COL11A1: variants seen among roughly 807,000 people sequenced by gnomAD.
COL11A1 encodes the protein collagen alpha-1(XI) chain.
COL11A1 carries 74 observed loss-of-function variants against 265.2 expected under a neutral mutation model. The ratio of observed to expected loss-of-function variants is 0.28; its 90% CI spans 0.23 to 0.34. The LOEUF is 0.34. Among genes scored for constraint, COL11A1 ranks in the 10% least tolerant of loss-of-function variants. The pLI is 1.00. For synonymous variants in COL11A1, 816 were observed against 727.6 expected (o/e 1.12, Z -1.96); for missense variants, 2,165 against 2,263.6 (o/e 0.96, Z 0.88).
chr1:103,002,918 T>C, intron 21 of COL11A1, 127 bp from the exon 22 acceptor site: 1 of 948,924 alleles, frequency 1.1e-6, no homozygotes, highest in East Asian at 2.5e-5. Flanking sequence ...TAGGATTTAA[T>C]GGAAACGAAG....
At chr1:102,914,322 A>C (rs760297106) in intron 52 of COL11A1, 30 bp downstream of exon 52, 3 of 1,559,018 alleles carry the variant, frequency 1.9e-6, no homozygotes, top group Non-Finnish European at 2.6e-6. Flanking sequence ...TCACTCCAAA[A>C]TAATTTCTTG....
At chr1:103,002,548 A>T in intron 22 of COL11A1, 67 bp from the exon 23 acceptor site, 1 of 1,372,702 alleles carries the variant, frequency 7.3e-7, no homozygotes, top group Non-Finnish European at 1.0e-6. Context: ...GTTCTTCTCA[A>T]TTGGAAAATA....
chr1:103,057,995 T>C (rs1162394392), intron 4 of COL11A1, among the ~76,000 whole-genome samples: 1 of 152,186 alleles, frequency 6.6e-6, no homozygotes, highest in Non-Finnish European at 1.5e-5. Context: ...AAGCCAGGCA[T>C]TGATTTCTGT....
intron 1 of COL11A1, among the ~76,000 whole-genome samples, chr1:103,083,941 G>A (rs898730598): frequency 6.6e-6 from 1 of 152,070 alleles, no homozygotes; most frequent in Non-Finnish European, 1.5e-5. Context: ...TATAAAATAT[G>A]TTTGGAACCT....
intron 2 of COL11A1, 79 bp downstream of exon 2, chr1:103,082,726 A>G (rs1672508802): frequency 1.6e-6 from 2 of 1,234,888 alleles, no homozygotes; most frequent in African/African-American, 3.0e-5. Flanking sequence ...GTAAAGAAAT[A>G]CTAAAAGTAG....
At chr1:103,038,853 T>C (rs998919580) in intron 4 of COL11A1, among the ~76,000 whole-genome samples, 3 of 152,268 alleles carry the variant, frequency 2.0e-5, no homozygotes, top group Non-Finnish European at 4.4e-5. Context: ...AGACAGTACA[T>C]ATATTAGTAA....
intron 5 of COL11A1, chr1:103,030,771 T>C (rs1667920138): frequency 3.1e-6 from 1 of 323,762 alleles, no homozygotes; most frequent in Non-Finnish European, 6.0e-6. Context: ...CCAGAAAATA[T>C]GTTATTCTAT....
At chr1:102,949,472 A>G (rs1162762715) in intron 41 of COL11A1, among the ~76,000 whole-genome samples, 1 of 152,164 alleles carries the variant, frequency 6.6e-6, no homozygotes, top group African/African-American at 2.4e-5. Flanking sequence ...CCCTAGGAAG[A>G]TATCACACTA....
chr1:102,987,424 C>A (rs1034788919), intron 30 of COL11A1, among the ~76,000 whole-genome samples: 1 of 150,026 alleles, frequency 6.7e-6, no homozygotes, highest in African/African-American at 2.4e-5. Context: ...TTTAAGGTGT[C>A]ACTAAATACT....
intron 54 of COL11A1, among the ~76,000 whole-genome samples, chr1:102,904,502 T>C (rs1475287924): frequency 6.6e-6 from 1 of 152,048 alleles, no homozygotes; most frequent in Non-Finnish European, 1.5e-5. Flanking sequence ...ATCCAGAATC[T>C]ACAATGAACT....
chr1:103,052,891 G>A (rs1669942794), intron 4 of COL11A1, among the ~76,000 whole-genome samples: 2 of 152,186 alleles, frequency 1.3e-5, no homozygotes, highest in African/African-American at 4.8e-5. Context: ...TAAGGAAGCT[G>A]TACATTAATA....
chr1:103,072,335 T>C (rs77587187), intron 4 of COL11A1, among the ~76,000 whole-genome samples: 7,940 of 151,926 alleles, frequency 0.052, 216 homozygotes, highest in Middle Eastern at 0.089. Flanking sequence ...AAATTACATA[T>C]ACCAAACAAA....
chr1:102,883,417 A>G (rs1467134849), intron 63 of COL11A1, 106 bp from the exon 64 acceptor site: 3 of 763,440 alleles, frequency 3.9e-6, no homozygotes, highest in African/African-American at 3.5e-5. Context: ...AATACATATT[A>G]ATAGATCTTT....
chr1:103,069,524 A>C (rs759474716), intron 4 of COL11A1, among the ~76,000 whole-genome samples: 13 of 151,886 alleles, frequency 8.6e-5, no homozygotes, highest in Admixed American at 6.6e-4. Flanking sequence ...AAAGAGTGTC[A>C]AACATAACAA....
intron 30 of COL11A1, among the ~76,000 whole-genome samples, chr1:102,987,420 G>A (rs1249233025): frequency 6.6e-6 from 1 of 150,744 alleles, no homozygotes; most frequent in East Asian, 1.9e-4. Flanking sequence ...AAAATTTAAG[G>A]TGTCACTAAA....
intron 4 of COL11A1, among the ~76,000 whole-genome samples, chr1:103,049,633 C>A (rs1382746672): frequency 1.3e-5 from 2 of 152,118 alleles, no homozygotes; most frequent in African/African-American, 4.8e-5. Context: ...TTAATTTGAT[C>A]CTGCCATTAT....
intron 1 of COL11A1, among the ~76,000 whole-genome samples, chr1:103,098,221 T>G (rs1673946353): frequency 6.6e-6 from 1 of 151,994 alleles, no homozygotes; most frequent in Admixed American, 6.6e-5. Context: ...TGTAATTAGT[T>G]GATCTCCTCA....
chr1:103,024,662 AT>A (rs147119266), intron 7 of COL11A1, among the ~76,000 whole-genome samples: 12,005 of 151,904 alleles, frequency 0.079, 522 homozygotes, highest in Middle Eastern at 0.14. Flanking sequence ...CAAAATACTC[AT>A]TTTTTTTGAA....
In COL11A1 at chr1:102,923,665, A is replaced by G. The variant is rs1003087069; in HGVS notation, c.3601-276T>C. 5.3e-5 allele frequency among the ~76,000 whole-genome samples: 8 copies of G among 152,228 alleles called. No individual in the cohort carries two copies. In the East Asian group the frequency reaches 1.5e-3, roughly 29 times the overall value. ...AAATATTAATTTGATCTGGGAATTT[A>G]TGAACACCCAACCATTTGCTCAGTC... On this transcript the variant is annotated intron_variant, in intron 46 of 66. Transcript: ENST00000370096.
Sources: gnomAD v4.1 joint callset for allele counts (sites outside exome capture counted in the v4.1 genomes callset) on GRCh38, gnomAD v4.1.1 for gene constraint, MANE v1.5 for transcripts, NCBI Gene and HGNC (gene_info 2026-07-23, HGNC 2026-07-21) for gene names.